VGLL4: variants seen among roughly 807,000 people sequenced by gnomAD.
VGLL4 encodes the protein transcription cofactor vestigial-like protein 4.
VGLL4 carries 7 observed loss-of-function variants against 21.0 expected under a neutral mutation model. The ratio of observed to expected loss-of-function variants is 0.33; its 90% CI spans 0.19 to 0.63. The LOEUF is 0.63. Ranked by LOEUF, VGLL4 falls within the 20% of genes least tolerant of loss-of-function variation. The pLI is 0.78. For missense variants in VGLL4, 394 were observed against 425.7 expected (o/e 0.93, Z 0.66); for synonymous variants, 222 against 173.2 (o/e 1.28, Z -2.21).
Position 11,668,137 on chromosome 3 carries a change from G to A in VGLL4, c.64+34834C>T, listed in dbSNP as rs1034946302. 2.0e-5 allele frequency among the ~76,000 whole-genome samples: 3 copies of A among 151,986 alleles called. No homozygotes were observed. In the South Asian group the frequency reaches 6.2e-4, roughly 32 times the overall value. On this transcript the variant is annotated intron_variant, in intron 2 of 5. Coordinates refer to the VGLL4 transcript ENST00000273038. ...CCCAAAGTGCTGGGATTACAGATGT[G>A]AGCCACAAATCCAGCCTCAAATTCC...
chr3:11,574,807 G>GTGTA (rs2125198191), intron 2 of VGLL4, among the ~76,000 whole-genome samples: 1 of 150,140 alleles, frequency 6.7e-6, no homozygotes, highest in Non-Finnish European at 1.5e-5. Context: ...GTGTGTGTGT[G>GTGTA]TGTGTGTGTG....
At chr3:11,637,544 A>G (rs1317345272) in intron 1 of VGLL4, among the ~76,000 whole-genome samples, 7 of 152,242 alleles carry the variant, frequency 4.6e-5, no homozygotes, top group African/African-American at 1.7e-4. Context: ...TCTCTATTTC[A>G]TTTAGAGTAA....
intron 2 of VGLL4, among the ~76,000 whole-genome samples, chr3:11,587,648 T>A (rs1254507390): frequency 1.3e-5 from 2 of 152,172 alleles, no homozygotes; most frequent in Admixed American, 1.3e-4. Flanking sequence ...TCTAGCAGAG[T>A]ATGAGCAAAT....
chr3:11,655,810 G>A (rs2125347673), intron 2 of VGLL4, among the ~76,000 whole-genome samples: 1 of 152,276 alleles, frequency 6.6e-6, no homozygotes, highest in South Asian at 2.1e-4. Context: ...ACGCAGGCAG[G>A]TGTCATTTCA....
chr3:11,695,668 ATTCGTGT>A (rs1045804049), intron 2 of VGLL4, among the ~76,000 whole-genome samples: 5 of 152,128 alleles, frequency 3.3e-5, no homozygotes, highest in African/African-American at 9.7e-5. Context: ...TAGACCAGTG[ATTCGTGT>A]GGGGAAAGGG....
intron 2 of VGLL4, among the ~76,000 whole-genome samples, chr3:11,662,425 A>T (rs1232658719): frequency 6.6e-6 from 1 of 152,274 alleles, no homozygotes; most frequent in Non-Finnish European, 1.5e-5. Flanking sequence ...GAAGGCAAAC[A>T]ACTGAAAAAT....
chr3:11,626,299 A>C (rs2075351182), intron 1 of VGLL4: 1 of 445,708 alleles, frequency 2.2e-6, no homozygotes, highest in Non-Finnish European at 4.5e-6. Flanking sequence ...CAACCTTTCC[A>C]AAAAAATACA....
chr3:11,696,956 TG>T (rs1383239956), intron 2 of VGLL4, among the ~76,000 whole-genome samples: 1 of 152,178 alleles, frequency 6.6e-6, no homozygotes, highest in East Asian at 1.9e-4. Context: ...TTGCCTACGC[TG>T]GTCTCAAACT....
intron 2 of VGLL4, among the ~76,000 whole-genome samples, chr3:11,664,764 A>C (rs1421110581): frequency 6.6e-6 from 1 of 152,236 alleles, no homozygotes; most frequent in African/African-American, 2.4e-5. Context: ...ATATGGGGAC[A>C]CATAAGAGCT....
chr3:11,558,714 C>A lies in VGLL4; in HGVS notation c.733G>T (p.Asp245Tyr). 1 of 1,614,102 alleles carries A rather than the reference C, an allele frequency of 6.2e-7. No individual in the cohort carries two copies. The highest frequency in any genetic ancestry group is 8.5e-7 in the Non-Finnish European group (1 of 1,180,034). The part of the protein sequence containing the change: ...NSVSITGSVD[D>Y]HFAKALGDTW... ...TCACCCAGAGCTTTGGCAAAGTGGTCGTCCACGGAGCCCGTGATGGACACG... is the reference window on the plus strand; with the variant it reads ...TCACCCAGAGCTTTGGCAAAGTGGTAGTCCACGGAGCCCGTGATGGACACG... Residue 245 changes from aspartate to tyrosine, a missense_variant, in exon 5 of 5, where the codon GAC (aspartate) becomes TAC (tyrosine). Physicochemically the swap from Asp to Tyr is radical, Grantham distance 160. Transcript: ENST00000430365.
At chr3:11,668,666 C>T (rs2076161590) in intron 2 of VGLL4, among the ~76,000 whole-genome samples, 1 of 152,196 alleles carries the variant, frequency 6.6e-6, no homozygotes, top group Admixed American at 6.5e-5. Context: ...AGTGAAGGAT[C>T]TTATCATTTA....
chr3:11,564,908 G>A lies in VGLL4; in HGVS notation c.384C>T (p.Thr128=), dbSNP rs1017711239. The A allele has an allele frequency of 1.9e-6, 3 of 1,602,044 alleles. No individual in the cohort carries two copies. Among genetic ancestry groups the A allele is most frequent in the Non-Finnish European group, 8.5e-7 (1 of 1,174,878 alleles). ...GCTCCAGGCCAAGGCTGGGGAGGGA[G>A]GTGTACAGGTGGCTGCCGTGCAGGC... ...TMSLHGSHLY[T]SLPSLGLEQP... The change falls in exon 3 of 5, where the codon ACC becomes ACT. Residue 128 remains threonine, a synonymous_variant. Transcript: ENST00000430365.
chr3:11,570,875 T>A (rs2073747618), intron 2 of VGLL4, among the ~76,000 whole-genome samples: 1 of 152,148 alleles, frequency 6.6e-6, no homozygotes, highest in Non-Finnish European at 1.5e-5. Context: ...CACCGTGGCT[T>A]CTCTCCCCTT....
intron 2 of VGLL4, among the ~76,000 whole-genome samples, chr3:11,666,211 G>A (rs552402289): frequency 4.7e-5 from 7 of 149,638 alleles, no homozygotes; most frequent in South Asian, 2.1e-4. Flanking sequence ...GAGATGTGCC[G>A]CTGCACTCCA....
chr3:11,612,147 C>T (rs867815954), intron 1 of VGLL4: 1 of 151,946 alleles, frequency 6.6e-6, no homozygotes, highest in South Asian at 2.1e-4. Flanking sequence ...CTCTGAATAC[C>T]AAAAAGCACT....
chr3:11,652,430 G>A (rs924269950), intron 2 of VGLL4, among the ~76,000 whole-genome samples: 1 of 151,600 alleles, frequency 6.6e-6, no homozygotes, highest in East Asian at 1.9e-4. Flanking sequence ...TTGTTTTTTT[G>A]TTTTTTTGAC....
chr3:11,635,696 A>T (rs2075573027), intron 1 of VGLL4, among the ~76,000 whole-genome samples: 1 of 152,214 alleles, frequency 6.6e-6, no homozygotes, highest in African/African-American at 2.4e-5. Context: ...TCTAATAGAA[A>T]AAAGCCTCCC....
chr3:11,683,152 G>A (rs1430139816), intron 2 of VGLL4, among the ~76,000 whole-genome samples: 1 of 151,580 alleles, frequency 6.6e-6, no homozygotes, highest in Non-Finnish European at 1.5e-5. Context: ...GCTTGAACCT[G>A]GGAAGCGGAG....
At chr3:11,582,307 G>A (rs897578022) in intron 2 of VGLL4, 3 of 1,601,480 alleles carry the variant, frequency 1.9e-6, no homozygotes, top group Non-Finnish European at 2.6e-6. Context: ...CATTGCCAAA[G>A]AGCATGAAGA....
Sources: gnomAD v4.1 joint callset for allele counts (sites outside exome capture counted in the v4.1 genomes callset) on GRCh38, gnomAD v4.1.1 for gene constraint, MANE v1.5 for transcripts, NCBI Gene and HGNC (gene_info 2026-07-23, HGNC 2026-07-21) for gene names.